SLC2A13: variants seen among roughly 807,000 people sequenced by gnomAD.
SLC2A13 encodes the protein proton myo-inositol cotransporter.
Under a neutral mutation model 64.4 loss-of-function variants are expected in SLC2A13, and 32 were observed. The ratio of observed to expected loss-of-function variants is 0.50; its 90% CI spans 0.37 to 0.67. The LOEUF (loss-of-function observed/expected upper bound fraction) is 0.67. Among genes scored for constraint, SLC2A13 ranks in the 30% least tolerant of loss-of-function variants. The probability of loss-of-function intolerance (pLI) is 0.00; values close to 1 mark genes in which losing one functional copy is unlikely to be tolerated. For synonymous variants in SLC2A13, 338 were observed against 327.1 expected, an observed-to-expected ratio of 1.03 and a Z score of -0.36; for missense variants, 743 against 829.2, an observed-to-expected ratio of 0.90 and a Z score of 1.28.
chr12:39,766,868 A>G (rs1182970996), intron 7 of SLC2A13, among the ~76,000 whole-genome samples: 1 of 152,098 alleles, frequency 6.6e-6, no homozygotes, highest in East Asian at 1.9e-4. Flanking sequence ...CTTCGCTTCT[A>G]CAATAGTTCT....
chr12:39,911,047 G>A (rs1196868330), intron 4 of SLC2A13, among the ~76,000 whole-genome samples: 1 of 152,032 alleles, frequency 6.6e-6, no homozygotes, highest in South Asian at 2.1e-4. Context: ...TCGTGCCACT[G>A]CATTCTAGCC....
intron 4 of SLC2A13, among the ~76,000 whole-genome samples, chr12:39,931,858 T>C (rs1272830688): frequency 6.6e-6 from 1 of 152,170 alleles, no homozygotes; most frequent in Admixed American, 6.5e-5. Flanking sequence ...GTTGTTTTGA[T>C]TTTATACTAA....
At chr12:40,091,262 G>T (rs1003908141) in intron 1 of SLC2A13, among the ~76,000 whole-genome samples, 14 of 152,304 alleles carry the variant, frequency 9.2e-5, no homozygotes, top group Non-Finnish European at 4.4e-5. Flanking sequence ...ACTTTATGTT[G>T]TGTAAAATAA....
intron 6 of SLC2A13, among the ~76,000 whole-genome samples, chr12:39,845,698 C>T (rs925386803): frequency 1.3e-5 from 2 of 152,082 alleles, no homozygotes; most frequent in African/African-American, 4.8e-5. Flanking sequence ...GCATCATGTC[C>T]TCTGATGCCA....
chr12:40,074,497 T>C (rs1440028833), intron 1 of SLC2A13, among the ~76,000 whole-genome samples: 1 of 152,174 alleles, frequency 6.6e-6, no homozygotes, highest in East Asian at 1.9e-4. Context: ...ATAGTGTTTT[T>C]GATCTCTAGC....
chr12:40,079,029 G>GATA (rs1199435402), intron 1 of SLC2A13, among the ~76,000 whole-genome samples: 1 of 151,904 alleles, frequency 6.6e-6, no homozygotes, highest in African/African-American at 2.4e-5. Context: ...TTTCTTTATT[G>GATA]GTCTAGCTAA....
At chr12:39,810,048 T>C (rs554026048) in intron 7 of SLC2A13, among the ~76,000 whole-genome samples, 1 of 152,302 alleles carries the variant, frequency 6.6e-6, no homozygotes, top group Non-Finnish European at 1.5e-5. Flanking sequence ...GGGCAAATGG[T>C]ATTTCTAGTT....
At chr12:39,936,452 G>A (rs1403372887) in intron 4 of SLC2A13, among the ~76,000 whole-genome samples, 3 of 152,162 alleles carry the variant, frequency 2.0e-5, no homozygotes, top group Non-Finnish European at 4.4e-5. Flanking sequence ...CACAGAAGCT[G>A]AGCAAGTGAC....
rs1254329349 is a variant in SLC2A13, at chr12:39,895,513, A to T, written c.1035-23552T>A. Among the ~76,000 whole-genome samples the T allele has an allele frequency of 7.1e-3, 24 of 3,396 alleles. 3 individuals carry two copies. The highest frequency in any genetic ancestry group is 0.021 in the African/African-American group (21 of 1,008). 2.2% of individuals were successfully genotyped at this position (3,396 alleles called of 152,430 possible). On this transcript the variant is annotated intron_variant, in intron 4 of 9. Transcript: ENST00000280871. ...TCAAAAAAAAAAAAAAAAAAAAAAAATTATATATATATATATATATATATA... is the reference window on the plus strand; with the variant it reads ...TCAAAAAAAAAAAAAAAAAAAAAAATTTATATATATATATATATATATATA...
At chr12:40,031,716 T>G (rs780998500) in intron 2 of SLC2A13, among the ~76,000 whole-genome samples, 19 of 152,326 alleles carry the variant, frequency 1.2e-4, no homozygotes, top group South Asian at 2.1e-4. Flanking sequence ...TTTCAGCAGG[T>G]ACAACTAACC....
intron 3 of SLC2A13, among the ~76,000 whole-genome samples, chr12:39,955,768 G>T (rs1946304348): frequency 6.6e-6 from 1 of 152,126 alleles, no homozygotes. Context: ...CGAGACAAAA[G>T]CAGAGAAGAC....
chr12:39,778,622 A>C, intron 7 of SLC2A13, among the ~76,000 whole-genome samples: 1 of 152,216 alleles, frequency 6.6e-6, no homozygotes, highest in East Asian at 1.9e-4. Flanking sequence ...ACGTATTATT[A>C]CATTAAATTA....
intron 4 of SLC2A13, among the ~76,000 whole-genome samples, chr12:39,891,479 G>C (rs76273703): frequency 6.6e-6 from 1 of 152,030 alleles, no homozygotes; most frequent in Non-Finnish European, 1.5e-5. Context: ...TTTATCTTAA[G>C]AAAGCATATG....
intron 4 of SLC2A13, among the ~76,000 whole-genome samples, chr12:39,913,850 AC>A (rs1431227701): frequency 6.6e-6 from 1 of 151,998 alleles, no homozygotes; most frequent in Non-Finnish European, 1.5e-5. Flanking sequence ...TGTGAATGAC[AC>A]CAGTAACAAT....
chr12:40,087,560 T>A (rs1283752482), intron 1 of SLC2A13, among the ~76,000 whole-genome samples: 1 of 152,182 alleles, frequency 6.6e-6, no homozygotes, highest in Non-Finnish European at 1.5e-5. Flanking sequence ...TCCTTCCCAA[T>A]GCTCCCATTT....
Position 40,101,826 on chromosome 12 carries a change from G to GT in SLC2A13, c.556+3426dup, listed in dbSNP as rs551968444. 4.1e-3 allele frequency among the ~76,000 whole-genome samples: 563 copies of GT among 138,642 alleles called. 1 individual carries two copies. Among genetic ancestry groups the GT allele is most frequent in the African/African-American group, 0.012 (439 of 38,096 alleles). The allele number at this position is 138,642 out of a possible 152,430, so 91.0% of individuals were successfully genotyped here. On this transcript the variant is annotated intron_variant, in intron 1 of 9. Coordinates refer to ENST00000280871, the MANE Select transcript of SLC2A13 (RefSeq NM_052885.4). ...CAGAGCAAAAGACTCAAGGTTGTTTGTTTTTTTTTTTTAATCCTGTCTCTG... is the reference window on the plus strand; with the variant it reads ...CAGAGCAAAAGACTCAAGGTTGTTTGTTTTTTTTTTTTTAATCCTGTCTCTG...
intron 4 of SLC2A13, among the ~76,000 whole-genome samples, chr12:39,898,697 T>A (rs2136009098): frequency 6.6e-6 from 1 of 152,238 alleles, no homozygotes; most frequent in South Asian, 2.1e-4. Flanking sequence ...CAGATTGCAA[T>A]CTCCCATTTG....
At chr12:39,873,403 C>A (rs1403756690) in intron 4 of SLC2A13, among the ~76,000 whole-genome samples, 3 of 152,122 alleles carry the variant, frequency 2.0e-5, no homozygotes, top group African/African-American at 7.2e-5. Flanking sequence ...CCAAGTTCTA[C>A]CATATACATT....
intron 3 of SLC2A13, among the ~76,000 whole-genome samples, chr12:39,996,393 G>A (rs2136174535): frequency 6.6e-6 from 1 of 152,362 alleles, no homozygotes; most frequent in East Asian, 1.9e-4. Flanking sequence ...GCCTGACAAT[G>A]TGGTAGAAAA....
Sources: allele counts gnomAD v4.1 joint callset (sites outside exome capture counted in the v4.1 genomes callset), GRCh38; gene constraint gnomAD v4.1.1; transcripts MANE v1.5; gene names NCBI Gene and HGNC (gene_info 2026-07-23, HGNC 2026-07-21).